The following ZNF221 variants were observed in gnomAD, a reference collection of about 807,000 sequenced individuals.
ZNF221 encodes the protein zinc finger protein 221.
A neutral mutation model predicts 12.6 loss-of-function variants in ZNF221; 10 were observed. That is an observed-to-expected ratio of 0.79 (90% confidence interval 0.49 to 1.34). ZNF221 has a LOEUF of 1.34. ZNF221 is among the 40% of genes most tolerant of loss of function. The pLI, the probability that ZNF221 is intolerant of heterozygous loss-of-function variation, is 0.00. For synonymous variants in ZNF221, 232 were observed against 244.0 expected (o/e 0.95, Z 0.46); for missense variants, 661 against 721.4 (o/e 0.92, Z 0.96).
rs373116767 is a variant in ZNF221, at chr19:43,965,182, A to G, written c.209-51A>G. 3.1e-5 allele frequency: 49 copies of G among 1,593,866 alleles called. 1 individual carries two copies. The African/African-American group carries it at 5.3e-4, about 17-fold the overall frequency. Reference sequence around the variant, plus strand: ...CCTAAATTTCCAGTAAATTTTCCCTAGATATTACCTACAATGGGTTGGAAT... The same window carrying G: ...CCTAAATTTCCAGTAAATTTTCCCTGGATATTACCTACAATGGGTTGGAAT... On this transcript the variant is annotated intron_variant, in intron 3 of 4. Coordinates refer to ENST00000587682, the MANE Select transcript of ZNF221 (RefSeq NM_001297588.2).
chr19:43,962,632 A>G (rs1196067841), intron 1 of ZNF221, 93 bp from the exon 2 acceptor site: 1 of 1,224,320 alleles, frequency 8.2e-7, no homozygotes, highest in Non-Finnish European at 1.2e-6. Context: ...ATGAACATTC[A>G]TGTGCTAATT....
intron 2 of ZNF221, among the ~76,000 whole-genome samples, chr19:43,964,669 A>C (rs571582332): frequency 6.6e-6 from 1 of 152,224 alleles, no homozygotes; most frequent in African/African-American, 2.4e-5. Flanking sequence ...AGGAGGCAGC[A>C]TGTAGAGTCC....
At chr19:43,973,183 T>G in the ZNF221 span, among the ~76,000 whole-genome samples, 7 of 152,138 alleles carry the variant, frequency 4.6e-5, no homozygotes, top group East Asian at 1.9e-4. Flanking sequence ...AAAAGGCCTT[T>G]GATAAAATTC....
Position 43,967,265 on chromosome 19 carries a change from A to C in ZNF221, c.1763A>C (p.Lys588Thr). The C allele has an allele frequency of 4.3e-6, 7 of 1,614,162 alleles. No homozygotes were observed. The highest frequency in any genetic ancestry group is 5.1e-6 in the Non-Finnish European group (6 of 1,180,030). ...LKHQRLHSGEKPLKSGVWEEI... is the reference protein window; with the variant it reads ...LKHQRLHSGETPLKSGVWEEI... The stretch of plus-strand genomic sequence containing the variant: ...CATCAGAGACTCCACAGTGGAGAAA[A>C]GCCATTGAAATCTGGAGTGTGGGAA... The change falls in exon 5 of 5, where the codon AAG (lysine) becomes ACG (threonine). Residue 588 changes from lysine (K) to threonine (T), a missense_variant. By Grantham distance (78) the Lys-to-Thr change is moderately conservative. Coordinates refer to ENST00000587682, the MANE Select transcript of ZNF221 (RefSeq NM_001297588.2).
At chr19:43,965,472 G>A in intron 4 of ZNF221, 147 bp downstream of exon 4, 1 of 658,844 alleles carries the variant, frequency 1.5e-6, no homozygotes, top group Non-Finnish European at 2.5e-6. Context: ...AGTTCCTTTG[G>A]CTTCATTATT....
At chr19:43,965,385 C>A in intron 4 of ZNF221, 60 bp downstream of exon 4, 2 of 1,440,070 alleles carry the variant, frequency 1.4e-6, no homozygotes, top group South Asian at 1.4e-5. Context: ...TTACTTCTGT[C>A]CATGCCTATT....
chr19:43,966,885 G>C lies in ZNF221; in HGVS notation c.1383G>C (p.Arg461Ser). The C allele has an allele frequency of 6.2e-7, 1 of 1,614,144 alleles. No homozygotes were observed. Among genetic ancestry groups the C allele is most frequent in the African/African-American group, 1.3e-5 (1 of 75,054 alleles). The change falls in exon 5 of 5, where the codon AGG becomes AGC. Residue 461 changes from arginine (R) to serine (S), a missense_variant. Coordinates refer to ENST00000587682, the MANE Select transcript of ZNF221 (RefSeq NM_001297588.2). ...AGGAGTGTGGTAAGGACTATAAAAG[G>C]AGGTTGGATCTTGAGTTTCACCAGA... ...NCEECGKDYK[R>S]RLDLEFHQRV...
chr19:43,957,292 T>C (rs1189690158), intron 1 of ZNF221, among the ~76,000 whole-genome samples: 10 of 152,190 alleles, frequency 6.6e-5, no homozygotes, highest in Admixed American at 5.2e-4. Context: ...GTGATTCTCC[T>C]GCCTCAGCCT....
chr19:43,965,661 C>A, intron 4 of ZNF221, 143 bp from the exon 5 acceptor site: 1 of 748,034 alleles, frequency 1.3e-6, no homozygotes, highest in Non-Finnish European at 2.1e-6. Flanking sequence ...TCTTGAAAAC[C>A]AAAGACCATA....
chr19:43,962,033 G>C (rs955529309), intron 1 of ZNF221: 4 of 151,952 alleles, frequency 2.6e-5, no homozygotes, highest in African/African-American at 7.3e-5. Context: ...ATTATTAGTG[G>C]GCATTATCCT....
At chr19:43,978,005 C>T in the ZNF221 span, among the ~76,000 whole-genome samples, 1 of 152,144 alleles carries the variant, frequency 6.6e-6, no homozygotes, top group Non-Finnish European at 1.5e-5. Flanking sequence ...GCAAGCTTAC[C>T]AGAGTCCTCT....
rs1216410760 is a variant in ZNF221, at chr19:43,966,930, A to G, written c.1428A>G (p.Arg476=). 8 of 1,614,040 alleles carry G rather than the reference A, an allele frequency of 5.0e-6. No homozygotes were observed. The highest frequency in any genetic ancestry group is 5.9e-6 in the Non-Finnish European group (7 of 1,180,032). The change falls in exon 5 of 5, where the codon AGA becomes AGG. Residue 476 remains arginine (R), a synonymous_variant. Coordinates refer to ENST00000587682, the MANE Select transcript of ZNF221 (RefSeq NM_001297588.2). ...EFHQRVHTGE[R]PYNCKECGKS... Reference sequence around the variant, plus strand: ...ACCAGAGGGTCCACACGGGTGAGAGACCCTATAATTGTAAGGAATGTGGCA... The same window carrying G: ...ACCAGAGGGTCCACACGGGTGAGAGGCCCTATAATTGTAAGGAATGTGGCA...
chr19:43,965,452 C>T, intron 4 of ZNF221, 127 bp downstream of exon 4: 1 of 749,448 alleles, frequency 1.3e-6, no homozygotes, highest in South Asian at 2.8e-5. Context: ...CAACTGCCTT[C>T]CTTCTTTAAA....
chr19:43,952,402 A>T (rs1459066641), intron 1 of ZNF221, among the ~76,000 whole-genome samples: 1 of 152,168 alleles, frequency 6.6e-6, no homozygotes, highest in Non-Finnish European at 1.5e-5. Context: ...TTTTACAGTA[A>T]CGTTCACATC....
At chr19:43,961,029 T>C (rs1029797344) in intron 1 of ZNF221, among the ~76,000 whole-genome samples, 3 of 152,150 alleles carry the variant, frequency 2.0e-5, no homozygotes, top group Non-Finnish European at 4.4e-5. Flanking sequence ...CACTGCTCAG[T>C]CATATCACTT....
downstream of ZNF221, among the ~76,000 whole-genome samples, chr19:43,971,108 T>C (rs1284554613): frequency 6.6e-6 from 1 of 152,206 alleles, no homozygotes; most frequent in Non-Finnish European, 1.5e-5. Context: ...TGGGGGTCAA[T>C]ATTCAGCATT....
chr19:43,963,733 A>G (rs1599817569), intron 2 of ZNF221, among the ~76,000 whole-genome samples: 1 of 152,360 alleles, frequency 6.6e-6, no homozygotes, highest in African/African-American at 2.4e-5. Context: ...TCAGATTCAC[A>G]TAGGCAACCA....
chr19:43,959,464 C>T (rs972490124), intron 1 of ZNF221, among the ~76,000 whole-genome samples: 1 of 152,200 alleles, frequency 6.6e-6, no homozygotes, highest in Admixed American at 6.5e-5. Context: ...TCCATATCTC[C>T]AGTGTTGGAG....
downstream of ZNF221, among the ~76,000 whole-genome samples, chr19:43,971,803 C>T (rs1350996036): frequency 3.3e-5 from 5 of 152,130 alleles, no homozygotes; most frequent in East Asian, 7.7e-4. Flanking sequence ...GACTCCCACA[C>T]AGTAATAGTG....
Sources: allele counts gnomAD v4.1 joint callset (sites outside exome capture counted in the v4.1 genomes callset), GRCh38; gene constraint gnomAD v4.1.1; transcripts MANE v1.5; gene names NCBI Gene and HGNC (gene_info 2026-07-23, HGNC 2026-07-21).